Variants in SLC12A6 observed in about 807,000 individuals in gnomAD.
SLC12A6 encodes the protein solute carrier family 12 member 6.
Under a neutral mutation model 135.3 loss-of-function variants are expected in SLC12A6, and 66 were observed. That is an observed-to-expected ratio of 0.49 (90% CI 0.40 to 0.60). The LOEUF (loss-of-function observed/expected upper bound fraction) is 0.60, where lower values mean the gene tolerates loss of function less well. Ranked by LOEUF, SLC12A6 falls within the 20% of genes least tolerant of loss-of-function variation. The pLI is 0.00. For synonymous variants in SLC12A6, 513 were observed against 508.8 expected (o/e 1.01, Z -0.11); for missense variants, 1,058 against 1,452.3 (o/e 0.73, Z 4.41).
In SLC12A6 at chr15:34,325,263, C is replaced by T. The variant is rs539766459; in HGVS notation, c.271+11147G>A. Among the ~76,000 whole-genome samples, 10 of 152,246 alleles carry T rather than the reference C, an allele frequency of 6.6e-5. No individual in the cohort carries two copies. In the South Asian group the frequency reaches 2.1e-3, roughly 32 times the overall value. On this transcript the variant is annotated intron_variant, in intron 2 of 25. Coordinates refer to ENST00000354181, the MANE Select transcript of SLC12A6 (RefSeq NM_001365088.1). ...TTCCTTATTTATCATATTCAGCAAA[C>T]CCTCTTATCCCTCTGCAACTGAGAC...
chr15:34,279,626 G>T (rs746996712), intron 2 of SLC12A6, among the ~76,000 whole-genome samples: 1 of 152,116 alleles, frequency 6.6e-6, no homozygotes, highest in Non-Finnish European at 1.5e-5. Context: ...CCTAAGACTG[G>T]GAGTTGTCCT....
At chr15:34,247,591 G>A (rs1166634785) in intron 13 of SLC12A6, among the ~76,000 whole-genome samples, 1 of 151,898 alleles carries the variant, frequency 6.6e-6, no homozygotes, top group Non-Finnish European at 1.5e-5. Flanking sequence ...CAACACCCAT[G>A]CTGTAGGTGT....
chr15:34,296,695 T>C (rs186759751), intron 2 of SLC12A6, among the ~76,000 whole-genome samples: 5 of 151,972 alleles, frequency 3.3e-5, no homozygotes, highest in Non-Finnish European at 7.4e-5. Flanking sequence ...TGCAGCAGAG[T>C]TCACAAACAT....
At chr15:34,234,175 C>G (rs980027158) in intron 25 of SLC12A6, among the ~76,000 whole-genome samples, 1 of 152,080 alleles carries the variant, frequency 6.6e-6, no homozygotes, top group Non-Finnish European at 1.5e-5. Flanking sequence ...ATACCAGACT[C>G]CCATTTGTGT....
In SLC12A6 at chr15:34,238,955, T is replaced by C. The variant is rs2140653399; in HGVS notation, c.2632+10A>G. ...TGGGCCTTTAGGTTTGTATGAGAAATGGTTAGTACCAATAAAAGTCTTCCA... is the reference window on the plus strand; with the variant it reads ...TGGGCCTTTAGGTTTGTATGAGAAACGGTTAGTACCAATAAAAGTCTTCCA... On this transcript the variant is annotated intron_variant, in intron 20 of 25. Transcript: ENST00000354181. The C allele has an allele frequency of 5.6e-6, 9 of 1,609,964 alleles. No homozygotes were observed. The highest frequency in any genetic ancestry group is 7.7e-6 in the Non-Finnish European group (9 of 1,176,178).
chr15:34,299,449 G>A (rs1896093469), intron 2 of SLC12A6: 1 of 152,200 alleles, frequency 6.6e-6, no homozygotes, highest in Admixed American at 6.5e-5. Context: ...AAGATGAATA[G>A]AGCACAGCAG....
rs1037488550 is a variant in SLC12A6 at position 34,230,334 on chromosome 15, CTG to C, written c.*3545_*3546del. The C allele has an allele frequency of 2.6e-5, 4 of 153,406 alleles. No individual in the cohort carries two copies. The highest frequency in any genetic ancestry group is 6.5e-5 in the Admixed American group (1 of 15,350). 9.5% of individuals were successfully genotyped at this position (153,406 alleles called of 1,614,324 possible). A position where few individuals can be genotyped will look rare whatever the true frequency, so the allele number is the denominator to read the frequency against. On this transcript the variant is annotated 3_prime_UTR_variant, in exon 26 of 26. Transcript: ENST00000354181. Reference sequence around the variant, plus strand: ...GCACATAAATATGCATACAGTGTAACTGTTATTATTTTAATACCCACGATAAG... The same window carrying C: ...GCACATAAATATGCATACAGTGTAACTTATTATTTTAATACCCACGATAAG...
At chr15:34,317,483 G>A (rs550765470) in intron 2 of SLC12A6, among the ~76,000 whole-genome samples, 8 of 152,108 alleles carry the variant, frequency 5.3e-5, no homozygotes, top group South Asian at 4.1e-4. Context: ...GCGGGGGATC[G>A]CTTGAGGTCA....
chr15:34,299,994 A>G (rs1896131297), intron 2 of SLC12A6, among the ~76,000 whole-genome samples: 1 of 152,206 alleles, frequency 6.6e-6, no homozygotes, highest in Admixed American at 6.5e-5. Context: ...AGAGAACGGG[A>G]CAAATTTGAG....
chr15:34,325,693 A>G (rs1889412235), intron 2 of SLC12A6, among the ~76,000 whole-genome samples: 1 of 152,130 alleles, frequency 6.6e-6, no homozygotes, highest in Admixed American at 6.5e-5. Flanking sequence ...TAAGAAAGGC[A>G]AAGAGTTCTC....
chr15:34,296,353 A>G (rs1239401337), intron 2 of SLC12A6, among the ~76,000 whole-genome samples: 1 of 152,190 alleles, frequency 6.6e-6, no homozygotes, highest in Non-Finnish European at 1.5e-5. Flanking sequence ...GGTTCTCATG[A>G]TAACCCTGTG....
intron 2 of SLC12A6, among the ~76,000 whole-genome samples, chr15:34,279,069 C>CA (rs1180137399): frequency 6.6e-6 from 1 of 151,842 alleles, no homozygotes; most frequent in East Asian, 1.9e-4. Context: ...GTAATCCCAG[C>CA]ACTTTGGGAA....
chr15:34,300,119 A>G (rs553692915), intron 2 of SLC12A6, among the ~76,000 whole-genome samples: 1 of 152,318 alleles, frequency 6.6e-6, no homozygotes, highest in East Asian at 1.9e-4. Context: ...AAAATTAGAA[A>G]TCACAAGAGT....
At chr15:34,252,912 G>C (rs17236819) in intron 9 of SLC12A6, among the ~76,000 whole-genome samples, 25,298 of 152,154 alleles carry the variant, frequency 0.17, 2,174 homozygotes, top group East Asian at 0.29. Context: ...GCTAAAGGTT[G>C]AATCTTCTGG....
intron 16 of SLC12A6, among the ~76,000 whole-genome samples, 172 bp downstream of exon 16, chr15:34,243,802 T>C (rs542541851): frequency 2.0e-5 from 3 of 152,190 alleles, no homozygotes; most frequent in East Asian, 1.9e-4. Flanking sequence ...TAAAGTGATA[T>C]AGGAAAATAG....
intron 2 of SLC12A6, among the ~76,000 whole-genome samples, chr15:34,291,348 T>C (rs1218726219): frequency 2.0e-5 from 3 of 152,242 alleles, no homozygotes; most frequent in Non-Finnish European, 4.4e-5. Context: ...TGCTGAGAGA[T>C]GCACTGTTAG....
In SLC12A6 at chr15:34,302,220, T is replaced by C. The variant is rs148904244; in HGVS notation, c.272-26831A>G. On this transcript the variant is annotated intron_variant, in intron 2 of 25. Transcript: ENST00000354181. Reference sequence around the variant, plus strand: ...AGTAGATTTAATAAAGGCCAAAGTATAATATAAAGAGAGTTTATTGGGCCA... The same window carrying C: ...AGTAGATTTAATAAAGGCCAAAGTACAATATAAAGAGAGTTTATTGGGCCA... 2.1e-3 allele frequency among the ~76,000 whole-genome samples: 321 copies of C among 152,160 alleles called. 3 individuals carry two copies. Among genetic ancestry groups the C allele is most frequent in the African/African-American group, 7.3e-3 (305 of 41,510 alleles).
At chr15:34,269,388 T>C (rs192934575) in intron 3 of SLC12A6, among the ~76,000 whole-genome samples, 189 of 152,326 alleles carry the variant, frequency 1.2e-3, no homozygotes, top group African/African-American at 4.4e-3. Context: ...ATTACTTCTA[T>C]AATGTTGCAT....
chr15:34,309,505 C>T (rs1387762929), intron 2 of SLC12A6, among the ~76,000 whole-genome samples: 1 of 151,884 alleles, frequency 6.6e-6, no homozygotes, highest in Non-Finnish European at 1.5e-5. Context: ...GTATACTAAG[C>T]TAGAAAAATT....
Sources: gnomAD v4.1 joint callset for allele counts (sites outside exome capture counted in the v4.1 genomes callset) on GRCh38, gnomAD v4.1.1 for gene constraint, MANE v1.5 for transcripts, NCBI Gene and HGNC (gene_info 2026-07-23, HGNC 2026-07-21) for gene names.